The following TULP4 variants were observed in gnomAD, a reference collection of about 807,000 sequenced individuals.
TULP4 encodes the protein TUB like protein 4.
TULP4 carries 16 observed loss-of-function variants against 129.0 expected under a neutral mutation model. The observed-to-expected ratio is 0.12, with a 90% CI of 0.08 to 0.19. TULP4 has a LOEUF of 0.19. Among genes scored for constraint, TULP4 ranks in the 10% least tolerant of loss-of-function variants. The probability of loss-of-function intolerance (pLI) is 1.00; values close to 1 mark genes in which losing one functional copy is unlikely to be tolerated. For missense variants in TULP4, 1,842 were observed against 2,059.1 expected (o/e 0.89, Z 2.04); for synonymous variants, 998 against 854.0 (o/e 1.17, Z -2.94).
chr6:158,302,083 A>G (rs1266054961), intron 1 of TULP4, among the ~76,000 whole-genome samples: 1 of 152,168 alleles, frequency 6.6e-6, no homozygotes, highest in East Asian at 1.9e-4. Context: ...TTAACAGTCA[A>G]TTCTTTATCA....
At chr6:158,232,366 G>A (rs1278143318) in intron 1 of TULP4, 2 of 148,886 alleles carry the variant, frequency 1.3e-5, no homozygotes, top group Non-Finnish European at 3.0e-5. Context: ...GCCGGCCCGA[G>A]CGTCGTCCCT....
intron 1 of TULP4, among the ~76,000 whole-genome samples, chr6:158,373,755 T>A (rs575433447): frequency 6.6e-6 from 1 of 152,302 alleles, no homozygotes; most frequent in East Asian, 1.9e-4. Flanking sequence ...TACCTTGTCA[T>A]ATAGTGTGTT....
At chr6:158,453,911 C>A (rs1779225318) in intron 5 of TULP4, among the ~76,000 whole-genome samples, 1 of 151,620 alleles carries the variant, frequency 6.6e-6, no homozygotes, top group Non-Finnish European at 1.5e-5. Flanking sequence ...CAAGACCGCA[C>A]CACTGCATTC....
Position 158,314,114 on chromosome 6 carries a change from A to C in TULP4, c.98A>C (p.Lys33Thr). The C allele has an allele frequency of 6.2e-7, 1 of 1,614,210 alleles. No homozygotes were observed. The highest frequency in any genetic ancestry group is 8.5e-7 in the Non-Finnish European group (1 of 1,180,026). Reference protein sequence around the residue: ...KGRVPKSEKEKPVCRRRYYEE... With the variant: ...KGRVPKSEKETPVCRRRYYEE... ...CGTGTCCCCAAGAGTGAGAAGGAGAAGCCTGTGTGCAGGAGACGCTACTAT... is the reference window on the plus strand; with the variant it reads ...CGTGTCCCCAAGAGTGAGAAGGAGACGCCTGTGTGCAGGAGACGCTACTAT... The change falls in exon 1 of 14, where the codon AAG (lysine) becomes ACG (threonine). Residue 33 changes from lysine to threonine, a missense_variant. Lys to Thr is a moderately conservative substitution (Grantham distance 78, BLOSUM62 -1). Around this residue, in one of 5 missense-constraint regions of TULP4, gnomAD observed 151 missense variants for 268.7 expected, o/e 0.56. Transcript: ENST00000367097.
rs536442664 is a variant in TULP4 at position 158,389,913 on chromosome 6, C to G, written c.253-23152C>G. Reference sequence around the variant, plus strand: ...ATCACCTGAGGTCAGGAGTTCAAGACCAGCCTGGCTAACATGGTGAAACCC... The same window carrying G: ...ATCACCTGAGGTCAGGAGTTCAAGAGCAGCCTGGCTAACATGGTGAAACCC... On this transcript the variant is annotated intron_variant, in intron 1 of 13. Coordinates refer to ENST00000367097, the MANE Select transcript of TULP4 (RefSeq NM_020245.5). 1.3e-5 allele frequency among the ~76,000 whole-genome samples: 2 copies of G among 152,054 alleles called. 1 individual carries two copies. The highest frequency in any genetic ancestry group is 3.8e-4 in the East Asian group (2 of 5,198).
Position 158,373,408 on chromosome 6 carries a change from G to A in TULP4, c.253-39657G>A, listed in dbSNP as rs147077473. 3.8e-3 allele frequency among the ~76,000 whole-genome samples: 579 copies of A among 152,232 alleles called. 3 individuals carry two copies. Among genetic ancestry groups the A allele is most frequent in the African/African-American group, 0.013 (535 of 41,536 alleles). On this transcript the variant is annotated intron_variant, in intron 1 of 13. Coordinates refer to ENST00000367097, the MANE Select transcript of TULP4 (RefSeq NM_020245.5). ...TGGAGCATTCCTTTGACAAGCCACC[G>A]CTTGAAGAAGCCAACGTGACTGCTG...
intron 4 of TULP4, 143 bp from the exon 5 acceptor site, chr6:158,451,991 T>C (rs341139): frequency 0.36 from 451,150 of 1,250,620 alleles, 85,739 homozygotes; most frequent in African/African-American, 0.62. Flanking sequence ...ATATAGAATG[T>C]TTCATTCAGG....
At chr6:158,232,343 C>T (rs938815638) in intron 1 of TULP4, 10 of 147,834 alleles carry the variant, frequency 6.8e-5, no homozygotes, top group Non-Finnish European at 1.5e-4. Flanking sequence ...CGCGCAGTCC[C>T]GCGGGAGGGG....
In TULP4 at chr6:158,493,860, C is replaced by T; in HGVS notation, c.1776+143C>T. 2.2e-6 allele frequency: 2 copies of T among 918,082 alleles called. No homozygotes were observed. Among genetic ancestry groups the T allele is most frequent in the South Asian group, 2.3e-5 (1 of 43,802 alleles). 56.9% of individuals were successfully genotyped at this position (918,082 alleles called of 1,614,324 possible). A position where few individuals can be genotyped will look rare whatever the true frequency, so the allele number is the denominator to read the frequency against. ...CCACATCCTGCACACCACCTACTACCTCAGGAGTAGCCCTCAGGTGGAGCT... is the reference window on the plus strand; with the variant it reads ...CCACATCCTGCACACCACCTACTACTTCAGGAGTAGCCCTCAGGTGGAGCT... On this transcript the variant is annotated intron_variant, in intron 10 of 13. Transcript: ENST00000367097. The surrounding 1 kb of genome is among the most constrained non-coding windows in gnomAD (Gnocchi z 4.4).
At chr6:158,392,233 G>T (rs1184873120) in intron 1 of TULP4, among the ~76,000 whole-genome samples, 1 of 152,132 alleles carries the variant, frequency 6.6e-6, no homozygotes, top group South Asian at 2.1e-4. Context: ...GATCTCATGA[G>T]ACTTATTCAC....
In TULP4 at chr6:158,502,724, G is replaced by T. The variant is rs776704237; in HGVS notation, c.3061G>T (p.Gly1021Trp). 1.3e-6 allele frequency: 2 copies of T among 1,569,804 alleles called. No individual in the cohort carries two copies. Among genetic ancestry groups the T allele is most frequent in the East Asian group, 4.5e-5 (2 of 44,306 alleles). ...PLAKSKGGPGGVVTQLPARPP... is the reference protein window; with the variant it reads ...PLAKSKGGPGWVVTQLPARPP... The stretch of plus-strand genomic sequence containing the variant: ...GGCCAAGTCCAAGGGCGGGCCCGGG[G>T]GGGTGGTGACACAGCTCCCAGCGCG... Residue 1021 changes from glycine to tryptophan, a missense_variant, in exon 13 of 14, where the codon GGG becomes TGG. By Grantham distance (184) the Gly-to-Trp change is radical. Transcript: ENST00000367097.
At chr6:158,279,840 C>A (rs574125262), upstream of TULP4, among the ~76,000 whole-genome samples, 2 of 152,202 alleles carry the variant, frequency 1.3e-5, no homozygotes, top group Non-Finnish European at 2.9e-5. Context: ...ACACTTGATA[C>A]GTGTTTGGCT....
At chr6:158,425,544 C>T (rs1445360104) in intron 2 of TULP4, among the ~76,000 whole-genome samples, 3 of 149,058 alleles carry the variant, frequency 2.0e-5, no homozygotes, top group Admixed American at 2.0e-4. Flanking sequence ...AAATGGCAGC[C>T]GACGCAAGTG....
chr6:158,270,684 C>G (rs907824199), intron 1 of TULP4, among the ~76,000 whole-genome samples: 1 of 152,188 alleles, frequency 6.6e-6, no homozygotes. Flanking sequence ...TGCTTGCCTC[C>G]TTTTAAGCTT....
chr6:158,268,913 C>T (rs1443470424), intron 1 of TULP4, among the ~76,000 whole-genome samples: 2 of 152,066 alleles, frequency 1.3e-5, no homozygotes, highest in African/African-American at 2.4e-5. Flanking sequence ...TCCCTTTAGC[C>T]TTTAGCACTG....
At chr6:158,422,723 C>T (rs553402305) in intron 2 of TULP4, among the ~76,000 whole-genome samples, 3 of 152,286 alleles carry the variant, frequency 2.0e-5, no homozygotes, top group African/African-American at 4.8e-5. Context: ...CTGAAGGAGG[C>T]GATGTCAGAT....
intron 3 of TULP4, among the ~76,000 whole-genome samples, chr6:158,443,550 A>G (rs1412099114): frequency 6.6e-6 from 1 of 152,188 alleles, no homozygotes; most frequent in East Asian, 1.9e-4. Context: ...TATTCTGGTA[A>G]TAGGAATCAT....
In TULP4 at chr6:158,267,850, C is replaced by T. The variant is rs192272272; in HGVS notation, n.68+35547C>T. Among the ~76,000 whole-genome samples the T allele has an allele frequency of 6.6e-4, 100 of 152,220 alleles. 1 individual carries two copies. Among genetic ancestry groups the T allele is most frequent in the African/African-American group, 2.1e-3 (86 of 41,550 alleles). On this transcript the variant is annotated intron_variant and non_coding_transcript_variant, in intron 1 of 1. Coordinates refer to the TULP4 transcript ENST00000620026. ...GTCAAGGGTGGTGTGCTTGCATTTGCCTGGCTGAATTAAGGCTCTTGGTGC... is the reference window on the plus strand; with the variant it reads ...GTCAAGGGTGGTGTGCTTGCATTTGTCTGGCTGAATTAAGGCTCTTGGTGC...
intron 12 of TULP4, 113 bp downstream of exon 12, chr6:158,498,925 A>C: frequency 7.6e-7 from 1 of 1,312,170 alleles, no homozygotes. Context: ...GGTTTGGAAA[A>C]GGTATCCCTG....
Sources: allele counts gnomAD v4.1 joint callset (sites outside exome capture counted in the v4.1 genomes callset), GRCh38; gene constraint gnomAD v4.1.1; regional missense constraint gnomAD v4.1.1; non-coding constraint Gnocchi (gnomAD v3.1); transcripts MANE v1.5; gene names NCBI Gene and HGNC (gene_info 2026-07-23, HGNC 2026-07-21).